The following LRRC37A2 variants were observed in gnomAD, a reference collection of about 807,000 sequenced individuals.
LRRC37A2 encodes leucine-rich repeat-containing protein 37A2.
In LRRC37A2, 9 loss-of-function variants were observed where a neutral mutation model predicts 68.8. The ratio of observed to expected loss-of-function variants is 0.13; its 90% CI spans 0.08 to 0.23. LRRC37A2 has a LOEUF of 0.23. Ranked by LOEUF, LRRC37A2 falls within the 10% of genes least tolerant of loss-of-function variation. LRRC37A2 has a pLI of 1.00. For missense variants in LRRC37A2, 168 were observed against 950.4 expected (o/e 0.18, Z 10.82); for synonymous variants, 63 against 367.6 (o/e 0.17, Z 9.48).
the LRRC37A2 span, chr17:46,763,478 CTG>C: frequency 6.6e-6 from 1 of 152,196 alleles, no homozygotes; most frequent in Non-Finnish European, 1.5e-5. Context: ...GGAAAGAACT[CTG>C]TGTCTGTGTT....
At chr17:47,034,561 T>C in the LRRC37A2 span, among the ~76,000 whole-genome samples, 1 of 152,134 alleles carries the variant, frequency 6.6e-6, no homozygotes, top group Admixed American at 6.5e-5. Context: ...TTTGGCTACA[T>C]ACTGCCTTAC....
chr17:46,841,413 C>CGAGTGA, the LRRC37A2 span, among the ~76,000 whole-genome samples: 1 of 152,276 alleles, frequency 6.6e-6, no homozygotes, highest in African/African-American at 2.4e-5. Context: ...TATTCATCAC[C>CGAGTGA]GAGTGAGAGT....
chr17:46,813,539 C>T, the LRRC37A2 span, among the ~76,000 whole-genome samples: 3 of 151,630 alleles, frequency 2.0e-5, no homozygotes, highest in Non-Finnish European at 4.4e-5. Flanking sequence ...GATGTCTTGC[C>T]CTCCTTGGCA....
At chr17:46,655,971 C>T in the LRRC37A2 span, among the ~76,000 whole-genome samples, 1 of 79,162 alleles carries the variant, frequency 1.3e-5, no homozygotes, top group African/African-American at 6.2e-5. Flanking sequence ...CATAAAATAA[C>T]TTGAAGAAAA....
chr17:46,722,588 A>G, the LRRC37A2 span, among the ~76,000 whole-genome samples: 127 of 152,332 alleles, frequency 8.3e-4, 2 homozygotes, highest in South Asian at 1.2e-3. Context: ...CTTGCCAGCC[A>G]ACTCTGAGTA....
At chr17:46,936,350 A>G in the LRRC37A2 span, 980,159 of 985,414 alleles carry the variant, frequency 0.99, 487,666 homozygotes, top group East Asian at 1. Flanking sequence ...GCACATGCTA[A>G]CTTCCCACTC....
chr17:46,769,095 T>G, the LRRC37A2 span, among the ~76,000 whole-genome samples: 7 of 152,048 alleles, frequency 4.6e-5, no homozygotes, highest in Non-Finnish European at 1.0e-4. Flanking sequence ...GGCGGGAGGA[T>G]CACCTGAAGT....
the LRRC37A2 span, among the ~76,000 whole-genome samples, chr17:46,838,646 T>A: frequency 6.6e-5 from 10 of 152,118 alleles, no homozygotes; most frequent in Middle Eastern, 0.01. Context: ...TAATTAATTT[T>A]AAAAATTAAA....
At chr17:46,541,209 A>G (rs2055247066) in intron 8 of LRRC37A2, among the ~76,000 whole-genome samples, 1 of 148,512 alleles carries the variant, frequency 6.7e-6, no homozygotes, top group Non-Finnish European at 1.5e-5. Flanking sequence ...ATGAAATCAT[A>G]TAGCACATAG....
chr17:46,956,277 CTTTTTTTTTTTTTTTT>C, the LRRC37A2 span, among the ~76,000 whole-genome samples: 3 of 62,656 alleles, frequency 4.8e-5, no homozygotes, highest in East Asian at 5.4e-4. Flanking sequence ...CTTGCCAGTC[CTTTTTTTTTTTTTTTT>C]TTTTTTTTTT....
chr17:46,816,115 A>ACACACACACG, the LRRC37A2 span, among the ~76,000 whole-genome samples: 2 of 26,344 alleles, frequency 7.6e-5, no homozygotes, highest in Non-Finnish European at 1.4e-4. Flanking sequence ...GCGCACGTAC[A>ACACACACACG]CACACACACA....
the LRRC37A2 span, among the ~76,000 whole-genome samples, chr17:46,725,471 A>AT: frequency 1.3e-5 from 2 of 152,170 alleles, no homozygotes; most frequent in Non-Finnish European, 2.9e-5. Flanking sequence ...TTATGCCAGG[A>AT]AAGAGGTAAG....
At chr17:46,814,392 C>G in the LRRC37A2 span, among the ~76,000 whole-genome samples, 8 of 152,190 alleles carry the variant, frequency 5.3e-5, no homozygotes, top group Non-Finnish European at 8.8e-5. Flanking sequence ...ACCAACAGAT[C>G]GGCCACCAAT....
At chr17:47,038,545 C>T in the LRRC37A2 span, among the ~76,000 whole-genome samples, 1 of 150,824 alleles carries the variant, frequency 6.6e-6, no homozygotes, top group East Asian at 1.9e-4. Flanking sequence ...TTAATTCCAA[C>T]TTTGTTTCAA....
the LRRC37A2 span, among the ~76,000 whole-genome samples, chr17:46,877,836 T>C: frequency 2.0e-5 from 3 of 152,220 alleles, no homozygotes; most frequent in African/African-American, 4.8e-5. Flanking sequence ...GCTGGGGTTA[T>C]AGGTGCTTGA....
At chr17:46,755,323 G>A in the LRRC37A2 span, 4 of 1,613,022 alleles carry the variant, frequency 2.5e-6, no homozygotes, top group African/African-American at 4.0e-5. Context: ...GATGGATCCT[G>A]AATACCGTGT....
the LRRC37A2 span, among the ~76,000 whole-genome samples, chr17:46,963,326 C>T: frequency 6.6e-6 from 1 of 152,186 alleles, no homozygotes; most frequent in Non-Finnish European, 1.5e-5. Flanking sequence ...GGGTGGATCA[C>T]TTGAGGTCAA....
chr17:46,914,511 C>T, the LRRC37A2 span, among the ~76,000 whole-genome samples: 1 of 151,588 alleles, frequency 6.6e-6, no homozygotes, highest in Non-Finnish European at 1.5e-5. Context: ...ATTAGCCAGG[C>T]GTAGTGGTGC....
the LRRC37A2 span, among the ~76,000 whole-genome samples, chr17:46,945,255 T>C: frequency 1.3e-5 from 2 of 152,202 alleles, no homozygotes; most frequent in South Asian, 4.1e-4. Context: ...CTCCACGCAC[T>C]GTCCTCCGTG....
Sources: allele counts gnomAD v4.1 joint callset (sites outside exome capture counted in the v4.1 genomes callset), GRCh38; gene constraint gnomAD v4.1.1; transcripts MANE v1.5; gene names NCBI Gene and HGNC (gene_info 2026-07-23, HGNC 2026-07-21).